Variants in XPNPEP3 observed in about 807,000 individuals in gnomAD.
XPNPEP3 encodes the protein X-prolyl aminopeptidase 3.
XPNPEP3 carries 41 observed loss-of-function variants against 60.0 expected under a neutral mutation model. That is an observed-to-expected ratio of 0.68 (90% CI 0.53 to 0.89). The LOEUF (loss-of-function observed/expected upper bound fraction) is 0.89, where lower values mean the gene tolerates loss of function less well. Among genes scored for constraint, XPNPEP3 ranks in the 40% least tolerant of loss-of-function variants. The probability of loss-of-function intolerance (pLI) is 0.00; values close to 1 mark genes in which losing one functional copy is unlikely to be tolerated. For synonymous variants in XPNPEP3, 212 were observed against 223.2 expected, an observed-to-expected ratio of 0.95 and a Z score of 0.45; for missense variants, 598 against 638.9, an observed-to-expected ratio of 0.94 and a Z score of 0.69.
At position 40,885,987 on chromosome 22, in the gene XPNPEP3, TAAAG is replaced by T. The variant is rs145508915; in HGVS notation, c.590-324_590-321del. ...ACAGAGCAAGACTCCATCTCAAAAA[TAAAG>T]AGAGAGAGAAAGAGAGAAAATCAAA... On this transcript the variant is annotated intron_variant, in intron 3 of 9. Transcript: ENST00000357137. Among the ~76,000 whole-genome samples, 732 of 151,836 alleles carry T rather than the reference TAAAG, an allele frequency of 4.8e-3. 39 individuals carry two copies. The East Asian group carries it at 0.092, about 19-fold the overall frequency.
chr22:40,865,187 A>T (rs191019794), intron 1 of XPNPEP3, among the ~76,000 whole-genome samples: 1 of 152,176 alleles, frequency 6.6e-6, no homozygotes, highest in East Asian at 1.9e-4. Flanking sequence ...CCTCCTTGGC[A>T]TACTCCAATC....
At chr22:40,914,144 G>GAAAAAAAA in intron 6 of XPNPEP3, 95 bp from the exon 7 acceptor site, 1 of 832,570 alleles carries the variant, frequency 1.2e-6, no homozygotes, top group Non-Finnish European at 1.8e-6. Flanking sequence ...CTCCGTCTCA[G>GAAAAAAAA]AAAAAAAAAA....
intron 2 of XPNPEP3, among the ~76,000 whole-genome samples, chr22:40,878,550 T>A (rs894189351): frequency 1.2e-4 from 19 of 152,102 alleles, no homozygotes; most frequent in African/African-American, 4.6e-4. Context: ...TGGATTTTCT[T>A]ACCTTCTGAA....
intron 7 of XPNPEP3, among the ~76,000 whole-genome samples, chr22:40,914,531 ATTTTTTTT>A (rs560908648): frequency 2.1e-4 from 14 of 67,606 alleles, no homozygotes; most frequent in African/African-American, 6.2e-4. Flanking sequence ...ACTAACAAAG[ATTTTTTTT>A]TTTTTTTTTT....
At chr22:40,880,744 T>G (rs1736658897) in intron 2 of XPNPEP3, among the ~76,000 whole-genome samples, 1 of 148,696 alleles carries the variant, frequency 6.7e-6, no homozygotes, top group Admixed American at 6.8e-5. Flanking sequence ...AGGCCAAGAT[T>G]GCGCCACTGC....
rs1341060362 is a variant in XPNPEP3, at chr22:40,932,515, C to T, written c.*6080C>T. ...ACTGTTACAAACCACATGGGTTCTC[C>T]TGGTTGTGCTGCTGTTCTCTACCTG... On this transcript the variant is annotated 3_prime_UTR_variant, in exon 10 of 10. Coordinates refer to ENST00000357137, the MANE Select transcript of XPNPEP3 (RefSeq NM_022098.4). 1 of 152,116 alleles carries T rather than the reference C, an allele frequency of 6.6e-6. No individual in the cohort carries two copies. The highest frequency in any genetic ancestry group is 1.5e-5 in the Non-Finnish European group (1 of 68,032). 9.4% of individuals were successfully genotyped at this position (152,116 alleles called of 1,614,324 possible).
chr22:40,922,826 TC>T (rs2058221892), intron 8 of XPNPEP3, among the ~76,000 whole-genome samples: 1 of 151,804 alleles, frequency 6.6e-6, no homozygotes, highest in Admixed American at 6.6e-5. Flanking sequence ...GATTTAGAAA[TC>T]ATCTTTGTGA....
At chr22:40,880,571 G>C (rs900939825) in intron 2 of XPNPEP3, among the ~76,000 whole-genome samples, 1 of 151,112 alleles carries the variant, frequency 6.6e-6, no homozygotes, top group East Asian at 1.9e-4. Flanking sequence ...AAACAATGAA[G>C]GAAAGAGGGA....
chr22:40,906,027 A>T (rs117740374), intron 4 of XPNPEP3, among the ~76,000 whole-genome samples: 3,400 of 152,116 alleles, frequency 0.022, 56 homozygotes, highest in Non-Finnish European at 0.033. Flanking sequence ...TCTTGACCTC[A>T]TGATCTGTCC....
intron 1 of XPNPEP3, among the ~76,000 whole-genome samples, chr22:40,867,846 A>G (rs1252283570): frequency 1.3e-5 from 2 of 151,644 alleles, no homozygotes; most frequent in East Asian, 3.9e-4. Context: ...GTTTCATTTC[A>G]TTTATTGCCT....
chr22:40,902,437 A>G (rs2058138029), intron 4 of XPNPEP3, among the ~76,000 whole-genome samples: 1 of 151,930 alleles, frequency 6.6e-6, no homozygotes, highest in African/African-American at 2.4e-5. Flanking sequence ...TTTTTAGTAG[A>G]GATGGGGTTT....
At chr22:40,891,329 T>C (rs1039049162) in intron 4 of XPNPEP3, among the ~76,000 whole-genome samples, 1 of 149,126 alleles carries the variant, frequency 6.7e-6, no homozygotes, top group African/African-American at 2.5e-5. Context: ...CACTGCACTC[T>C]GGCATGGGTG....
At chr22:40,867,100 T>G (rs2057982346) in intron 1 of XPNPEP3, among the ~76,000 whole-genome samples, 1 of 152,194 alleles carries the variant, frequency 6.6e-6, no homozygotes, top group Admixed American at 6.5e-5. Context: ...ATGAAAAGAT[T>G]AGGAAGGTAA....
chr22:40,877,524 C>T (rs956294597), intron 2 of XPNPEP3, among the ~76,000 whole-genome samples: 5 of 152,098 alleles, frequency 3.3e-5, no homozygotes, highest in Admixed American at 1.3e-4. Context: ...CTTTTCTCTT[C>T]GAGAGGCATG....
rs941566365 is a variant in XPNPEP3, at chr22:40,926,844, T to A, written c.*409T>A. Reference sequence around the variant, plus strand: ...AACCCAATATCATAAGAAGTTTGTGTGATGCCTGTATTTTTAGCTAATTAC... The same window carrying A: ...AACCCAATATCATAAGAAGTTTGTGAGATGCCTGTATTTTTAGCTAATTAC... On this transcript the variant is annotated 3_prime_UTR_variant, in exon 10 of 10. Coordinates refer to ENST00000357137, the MANE Select transcript of XPNPEP3 (RefSeq NM_022098.4). 2 of 267,786 alleles carry A rather than the reference T, an allele frequency of 7.5e-6. No individual in the cohort carries two copies. The highest frequency in any genetic ancestry group is 1.0e-4 in the East Asian group (1 of 9,558). 16.6% of individuals were successfully genotyped at this position (267,786 alleles called of 1,614,324 possible). A position where few individuals can be genotyped will look rare whatever the true frequency, so the allele number is the denominator to read the frequency against.
intron 4 of XPNPEP3, among the ~76,000 whole-genome samples, chr22:40,898,323 G>A (rs1182176892): frequency 1.8e-5 from 2 of 112,308 alleles, no homozygotes; most frequent in East Asian, 2.4e-4. Context: ...GCGCAATCTC[G>A]GCTCACTGCA....
intron 4 of XPNPEP3, among the ~76,000 whole-genome samples, chr22:40,897,029 CTTT>C (rs762152639): frequency 9.3e-6 from 1 of 107,682 alleles, no homozygotes; most frequent in African/African-American, 3.3e-5. Context: ...TTTCCTTCAT[CTTT>C]TTTTTTTTTT....
intron 3 of XPNPEP3, among the ~76,000 whole-genome samples, chr22:40,885,409 T>C (rs2058064829): frequency 1.3e-5 from 2 of 152,212 alleles, no homozygotes; most frequent in Admixed American, 6.5e-5. Flanking sequence ...CTTAGGTCTC[T>C]AAAGTTGAAA....
intron 4 of XPNPEP3, chr22:40,888,488 CCCA>C (rs749860803): frequency 7.9e-6 from 3 of 380,292 alleles, no homozygotes; most frequent in East Asian, 1.0e-4. Context: ...AAGCAGTCCG[CCCA>C]CCTTGACCTC....
Sources: gnomAD v4.1 joint callset for allele counts (sites outside exome capture counted in the v4.1 genomes callset) on GRCh38, gnomAD v4.1.1 for gene constraint, MANE v1.5 for transcripts, NCBI Gene and HGNC (gene_info 2026-07-23, HGNC 2026-07-21) for gene names.